The following KTN1 variants were observed in gnomAD, a reference collection of about 807,000 sequenced individuals.
KTN1 encodes the protein kinectin 1, also known as kinectin.
Under a neutral mutation model 222.5 loss-of-function variants are expected in KTN1, and 130 were observed. That is an observed-to-expected ratio of 0.58 (90% CI 0.51 to 0.68). The LOEUF (loss-of-function observed/expected upper bound fraction) is 0.68, where lower values mean the gene tolerates loss of function less well. Ranked by LOEUF, KTN1 falls within the 30% of genes least tolerant of loss-of-function variation. The pLI, the probability that KTN1 is intolerant of heterozygous loss-of-function variation, is 0.00. For synonymous variants in KTN1, 512 were observed against 496.3 expected (o/e 1.03, Z -0.42); for missense variants, 1,508 against 1,500.4 (o/e 1.01, Z -0.08).
At position 55,661,498 on chromosome 14, in the gene KTN1, A is replaced by G. The variant is rs755390346; in HGVS notation, c.3000-24A>G. The G allele has an allele frequency of 7.9e-5, 98 of 1,240,286 alleles. No homozygotes were observed. The East Asian group carries it at 1.8e-3, about 23-fold the overall frequency. 76.8% of individuals were successfully genotyped at this position (1,240,286 alleles called of 1,614,324 possible). A position where few individuals can be genotyped will look rare whatever the true frequency, so the allele number is the denominator to read the frequency against. On this transcript the variant is annotated intron_variant, in intron 31 of 43. Transcript: ENST00000395314. Reference sequence around the variant, plus strand: ...ATTACTGTTTACCTAAAATCTTGCTACATGTATTCATGTTCTGGTTTAGAA... The same window carrying G: ...ATTACTGTTTACCTAAAATCTTGCTGCATGTATTCATGTTCTGGTTTAGAA...
chr14:55,680,835 A>G (rs1417802996), intron 43 of KTN1: 2 of 613,728 alleles, frequency 3.3e-6, no homozygotes, highest in Non-Finnish European at 5.5e-6. Context: ...CAAATCTTTT[A>G]TCCTTGGTAA....
intron 28 of KTN1, 118 bp from the exon 29 acceptor site, chr14:55,655,924 G>A: frequency 1.8e-6 from 1 of 545,530 alleles, no homozygotes; most frequent in Non-Finnish European, 3.3e-6. Flanking sequence ...GTATAATATG[G>A]GGGAAAAAAA....
chr14:55,595,987 T>C (rs899380950), intron 1 of KTN1, among the ~76,000 whole-genome samples: 2 of 151,996 alleles, frequency 1.3e-5, no homozygotes, highest in Admixed American at 1.3e-4. Flanking sequence ...ACCCCGTCTC[T>C]ACCAAAAATA....
chr14:55,654,306 G>A (rs1456254284), intron 28 of KTN1, among the ~76,000 whole-genome samples: 6 of 151,876 alleles, frequency 4.0e-5, no homozygotes, highest in Non-Finnish European at 5.9e-5. Context: ...GTTTTAAACT[G>A]TCAAGATATT....
intron 8 of KTN1, among the ~76,000 whole-genome samples, chr14:55,633,709 C>A (rs2040787549): frequency 6.6e-6 from 1 of 151,968 alleles, no homozygotes; most frequent in South Asian, 2.1e-4. Context: ...ACCATCTGTC[C>A]CCTTTCACAG....
chr14:55,673,312 A>G (rs956830480), intron 40 of KTN1, 57 bp downstream of exon 40: 1 of 1,122,618 alleles, frequency 8.9e-7, no homozygotes, highest in Admixed American at 1.9e-5. Context: ...CTTTATTGAC[A>G]TGTGGAGAAA....
chr14:55,642,991 C>T (rs1011046144), intron 18 of KTN1, among the ~76,000 whole-genome samples: 4 of 151,752 alleles, frequency 2.6e-5, no homozygotes, highest in Admixed American at 2.6e-4. Context: ...CTCACTGTAT[C>T]CTCCACCTCC....
chr14:55,653,092 T>C lies in KTN1; in HGVS notation c.2763+7T>C. 6.6e-7 allele frequency: 1 copy of C among 1,524,252 alleles called. No individual in the cohort carries two copies. Among genetic ancestry groups the C allele is most frequent in the Non-Finnish European group, 9.1e-7 (1 of 1,104,146 alleles). 94.4% of individuals were successfully genotyped at this position (1,524,252 alleles called of 1,614,324 possible). On this transcript the variant is annotated splice_region_variant and intron_variant, in intron 27 of 43. Transcript: ENST00000395314. ...ACAACATAACTTGAAAGAGGTATAG[T>C]ATAAACAAATTACCAACATGTTACA...
chr14:55,668,418 G>C (rs1375708503), intron 34 of KTN1: 5 of 151,690 alleles, frequency 3.3e-5, no homozygotes, highest in African/African-American at 1.2e-4. Context: ...CCACAGTTTG[G>C]ATTTAGTTGA....
chr14:55,681,726 T>C (rs1231815362), intron 43 of KTN1: 1 of 152,166 alleles, frequency 6.6e-6, no homozygotes, highest in African/African-American at 2.4e-5. Flanking sequence ...AATGATAGGC[T>C]GGATTGTTAT....
In KTN1 at chr14:55,656,159, A is replaced by T. The variant is rs2043444603; in HGVS notation, c.2892+27A>T. On this transcript the variant is annotated intron_variant, in intron 29 of 43. Coordinates refer to ENST00000395314, the MANE Select transcript of KTN1 (RefSeq NM_001079521.2). ...TGAATATGGTGACTTAAAATTAATT[A>T]TTTTGTAAATTATTGTCTTTGCATG... 3 of 1,429,568 alleles carry T rather than the reference A, an allele frequency of 2.1e-6. No individual in the cohort carries two copies. The Admixed American group carries it at 5.6e-5, about 27-fold the overall frequency. The allele number at this position is 1,429,568 out of a possible 1,614,324, so 88.6% of individuals were successfully genotyped here.
chr14:55,608,809 T>G (rs9944028), intron 1 of KTN1, among the ~76,000 whole-genome samples: 12,144 of 152,074 alleles, frequency 0.08, 531 homozygotes, highest in South Asian at 0.12. Flanking sequence ...TTTGAATTTT[T>G]AGTAGAGACG....
At chr14:55,629,081 G>A (rs2040198312) in intron 6 of KTN1, among the ~76,000 whole-genome samples, 1 of 152,268 alleles carries the variant, frequency 6.6e-6, no homozygotes, top group Admixed American at 6.5e-5. Context: ...TGTTCTAGGA[G>A]TTCATAGTAC....
chr14:55,640,506 T>C lies in KTN1; in HGVS notation c.1983+64T>C. ...TCAATTTGCGTATTCTTATTTTCAT[T>C]GATATTGTGAGCCCCAATTTGATTG... On this transcript the variant is annotated intron_variant, in intron 15 of 43. Transcript: ENST00000395314. 1.7e-5 allele frequency: 19 copies of C among 1,129,036 alleles called. 1 individual carries two copies. The South Asian group carries it at 2.6e-4, about 15-fold the overall frequency. The allele number at this position is 1,129,036 out of a possible 1,614,324, so 69.9% of individuals were successfully genotyped here.
intron 43 of KTN1, chr14:55,683,506 T>A (rs1191048268): frequency 6.6e-6 from 1 of 152,158 alleles, no homozygotes; most frequent in African/African-American, 2.4e-5. Context: ...AAAATAGTAG[T>A]TATGTACTAT....
chr14:55,637,741 A>T (rs1294930288), intron 11 of KTN1, 38 bp from the exon 12 acceptor site: 4 of 1,416,186 alleles, frequency 2.8e-6, no homozygotes, highest in African/African-American at 1.4e-5. Flanking sequence ...GTTATTTATT[A>T]GCATGCTTTT....
chr14:55,616,563 G>T lies in KTN1; in HGVS notation c.570G>T (p.Arg190Ser), dbSNP rs367927063. 2 of 1,605,938 alleles carry T rather than the reference G, an allele frequency of 1.2e-6. No individual in the cohort carries two copies. The highest frequency in any genetic ancestry group is 1.7e-5 in the Admixed American group (1 of 57,316). The change falls in exon 3 of 44, where the codon AGG becomes AGT. Residue 190 changes from arginine to serine, a missense_variant. Physicochemically the swap from Arg to Ser is moderately radical, Grantham distance 110. Transcript: ENST00000395314. The stretch of plus-strand genomic sequence containing the variant: ...AAACTCTCATGGTACCATCAAAAAG[G>T]CAAGAAGCATTGCCCCTCCACCAAG... The part of the protein sequence containing the change: ...KVETLMVPSK[R>S]QEALPLHQET...
intron 1 of KTN1, among the ~76,000 whole-genome samples, chr14:55,603,894 A>C (rs2036346381): frequency 6.6e-6 from 1 of 152,078 alleles, no homozygotes; most frequent in African/African-American, 2.4e-5. Context: ...GGCTTTGTTT[A>C]TTCTCTCGTA....
chr14:55,666,748 C>G (rs2044795303), intron 33 of KTN1, among the ~76,000 whole-genome samples: 3 of 151,888 alleles, frequency 2.0e-5, no homozygotes. Context: ...ATAAATACTT[C>G]ACATGACCTT....
Sources: gnomAD v4.1 joint callset for allele counts (sites outside exome capture counted in the v4.1 genomes callset) on GRCh38, gnomAD v4.1.1 for gene constraint, MANE v1.5 for transcripts, NCBI Gene and HGNC (gene_info 2026-07-23, HGNC 2026-07-21) for gene names.